DLG2: variants seen among roughly 807,000 people sequenced by gnomAD.
DLG2 encodes the protein discs large MAGUK scaffold protein 2, also known as disks large homolog 2.
A neutral mutation model predicts 132.5 loss-of-function variants in DLG2; 45 were observed. The observed-to-expected ratio is 0.34, with a 90% CI of 0.27 to 0.44. DLG2 has a LOEUF of 0.44. Ranked by LOEUF, DLG2 falls within the 20% of genes least tolerant of loss-of-function variation. The probability of loss-of-function intolerance (pLI) is 1.00; values close to 1 mark genes in which losing one functional copy is unlikely to be tolerated. For synonymous variants in DLG2, 424 were observed against 419.6 expected (o/e 1.01, Z -0.13); for missense variants, 1,045 against 1,196.9 (o/e 0.87, Z 1.87).
chr11:84,999,130 T>C (rs959340602), intron 6 of DLG2, among the ~76,000 whole-genome samples: 4 of 152,024 alleles, frequency 2.6e-5, no homozygotes, highest in African/African-American at 9.7e-5. Context: ...TCAGATTATA[T>C]CTGACCACTC....
chr11:84,342,004 A>C lies in DLG2; in HGVS notation c.520-90713T>G, dbSNP rs146449845. 4.6e-5 allele frequency among the ~76,000 whole-genome samples: 7 copies of C among 152,322 alleles called. No homozygotes were observed. The East Asian group carries it at 1.4e-3, about 29-fold the overall frequency. On this transcript the variant is annotated intron_variant, in intron 7 of 27. Coordinates refer to ENST00000376104, the MANE Select transcript of DLG2 (RefSeq NM_001142699.3). Reference sequence around the variant, plus strand: ...ATTCTTTAATTCAGTTACTTAGTTCATATCCATTCTACCAAATTCTAACAT... The same window carrying C: ...ATTCTTTAATTCAGTTACTTAGTTCCTATCCATTCTACCAAATTCTAACAT...
At chr11:84,923,657 T>C in intron 6 of DLG2, 11 of 901,490 alleles carry the variant, frequency 1.2e-5, no homozygotes, top group Non-Finnish European at 1.5e-5. Flanking sequence ...GCTATTCTGG[T>C]GCAGCACCCT....
chr11:84,517,292 TAACTC>T (rs1347902780), intron 7 of DLG2, among the ~76,000 whole-genome samples: 4 of 151,562 alleles, frequency 2.6e-5, no homozygotes, highest in South Asian at 2.1e-4. Context: ...GAAACTCAAA[TAACTC>T]AACGGAAAGA....
Position 85,537,195 on chromosome 11 carries a change from G to A in DLG2, c.40+61462C>T, listed in dbSNP as rs543002856. Among the ~76,000 whole-genome samples the A allele has an allele frequency of 6.4e-4, 97 of 152,210 alleles. 1 individual carries two copies. The highest frequency in any genetic ancestry group is 4.9e-3 in the Admixed American group (75 of 15,280). The stretch of plus-strand genomic sequence containing the variant: ...AGCACTCTGTCAATATGGACCAATC[G>A]GCTCTCTGTAAAACGGACCAATCAG... On this transcript the variant is annotated intron_variant, in intron 3 of 27. Coordinates refer to ENST00000376104, the MANE Select transcript of DLG2 (RefSeq NM_001142699.3).
At chr11:84,705,676 G>A (rs1328491838) in intron 6 of DLG2, among the ~76,000 whole-genome samples, 4 of 151,556 alleles carry the variant, frequency 2.6e-5, no homozygotes, top group Non-Finnish European at 5.9e-5. Flanking sequence ...GTGACCAAGC[G>A]ATTCATTTAT....
Position 85,401,679 on chromosome 11 carries a change from T to C in DLG2, c.41-116314A>G, listed in dbSNP as rs568920225. Reference sequence around the variant, plus strand: ...AATCAATGTGCAAAAATCACAAGTATTCCTATACACTAATAATAGACAAAC... The same window carrying C: ...AATCAATGTGCAAAAATCACAAGTACTCCTATACACTAATAATAGACAAAC... On this transcript the variant is annotated intron_variant, in intron 3 of 27. Transcript: ENST00000376104. 5.3e-5 allele frequency among the ~76,000 whole-genome samples: 8 copies of C among 152,228 alleles called. 1 individual carries two copies. In the East Asian group the frequency reaches 1.5e-3, roughly 29 times the overall value.
chr11:84,799,888 G>T (rs2075155556), intron 6 of DLG2, among the ~76,000 whole-genome samples: 1 of 152,062 alleles, frequency 6.6e-6, no homozygotes, highest in Non-Finnish European at 1.5e-5. Context: ...AATAAATAAT[G>T]TCCTGGAACC....
chr11:85,486,413 T>G (rs2153098721), intron 3 of DLG2, among the ~76,000 whole-genome samples: 1 of 152,274 alleles, frequency 6.6e-6, no homozygotes, highest in African/African-American at 2.4e-5. Flanking sequence ...TCACCCTGCC[T>G]CTGCCTATTT....
chr11:83,515,159 G>C (rs1031067161), intron 21 of DLG2, among the ~76,000 whole-genome samples: 4 of 152,092 alleles, frequency 2.6e-5, no homozygotes, highest in African/African-American at 7.2e-5. Flanking sequence ...TCTGGTCCTG[G>C]ACTTTTTTTG....
chr11:84,085,302 T>C (rs2096960629), intron 10 of DLG2, among the ~76,000 whole-genome samples: 1 of 152,216 alleles, frequency 6.6e-6, no homozygotes, highest in Non-Finnish European at 1.5e-5. Context: ...CAAAGAGCTA[T>C]TTGCTAAAAT....
intron 8 of DLG2, among the ~76,000 whole-genome samples, chr11:84,194,863 G>A (rs2096485049): frequency 2.0e-5 from 3 of 152,124 alleles, no homozygotes; most frequent in African/African-American, 7.2e-5. Context: ...ACTGCCTGGG[G>A]CCGGCGGCGC....
intron 7 of DLG2, among the ~76,000 whole-genome samples, chr11:84,273,714 T>C (rs921582875): frequency 1.3e-5 from 2 of 152,202 alleles, no homozygotes; most frequent in Non-Finnish European, 2.9e-5. Flanking sequence ...TATATGTACA[T>C]ATACAGATGT....
At chr11:83,684,673 G>A (rs908371675) in intron 18 of DLG2, 13 of 152,086 alleles carry the variant, frequency 8.5e-5, no homozygotes, top group African/African-American at 2.7e-4. Flanking sequence ...CTTCCTATAT[G>A]TCTGAAGTAG....
intron 2 of DLG2, among the ~76,000 whole-genome samples, chr11:85,603,585 T>C (rs954590601): frequency 7.2e-5 from 11 of 152,068 alleles, no homozygotes; most frequent in African/African-American, 2.4e-4. Flanking sequence ...TTCTGTGGCA[T>C]TGTTGTAGGT....
intron 7 of DLG2, among the ~76,000 whole-genome samples, chr11:84,394,338 G>GTTT (rs201713045): frequency 1.4e-5 from 2 of 144,200 alleles, no homozygotes; most frequent in African/African-American, 2.5e-5. Context: ...AAGTCTTTCA[G>GTTT]TTTTTTTTTT....
At chr11:84,312,564 AT>A (rs1380835352) in intron 7 of DLG2, among the ~76,000 whole-genome samples, 1 of 152,124 alleles carries the variant, frequency 6.6e-6, no homozygotes, top group Non-Finnish European at 1.5e-5. Flanking sequence ...AAGTATTTCA[AT>A]TTTTTAACTT....
At chr11:83,841,460 C>T (rs1432341867) in intron 16 of DLG2, among the ~76,000 whole-genome samples, 1 of 152,208 alleles carries the variant, frequency 6.6e-6, no homozygotes, top group Non-Finnish European at 1.5e-5. Context: ...CCCTGATACT[C>T]TCCTTAGTCT....
At chr11:85,452,860 C>T (rs2092296357) in intron 3 of DLG2, 1 of 181,896 alleles carries the variant, frequency 5.5e-6, no homozygotes, top group East Asian at 1.3e-4. Flanking sequence ...TTAATTCAGT[C>T]ATCTACAAGA....
At chr11:84,548,455 C>T (rs956273362) in intron 6 of DLG2, among the ~76,000 whole-genome samples, 6 of 148,926 alleles carry the variant, frequency 4.0e-5, no homozygotes, top group Admixed American at 6.7e-5. Context: ...CAACAGGCCC[C>T]GGTGTGTGAT....
Sources: allele counts gnomAD v4.1 joint callset (sites outside exome capture counted in the v4.1 genomes callset), GRCh38; gene constraint gnomAD v4.1.1; transcripts MANE v1.5; gene names NCBI Gene and HGNC (gene_info 2026-07-23, HGNC 2026-07-21).